The following ADAD1 variants were observed in gnomAD, a reference collection of about 807,000 sequenced individuals.
ADAD1 encodes the protein adenosine deaminase domain containing 1, also known as adenosine deaminase domain-containing protein 1.
In ADAD1, 46 loss-of-function variants were observed where a neutral mutation model predicts 66.8. That is an observed-to-expected ratio of 0.69 (90% CI 0.54 to 0.88). The LOEUF is 0.88. ADAD1 is among the 40% of genes least tolerant of loss of function. The pLI is 0.00. For synonymous variants in ADAD1, 248 were observed against 229.4 expected (o/e 1.08, Z -0.73); for missense variants, 617 against 681.8 (o/e 0.91, Z 1.06).
intron 7 of ADAD1, among the ~76,000 whole-genome samples, chr4:122,404,727 A>G (rs1796131096): frequency 6.6e-6 from 1 of 151,886 alleles, no homozygotes; most frequent in Non-Finnish European, 1.5e-5. Context: ...CCCCATCAAA[A>G]ATCACCTTAT....
At chr4:122,385,829 G>A (rs931819964) in intron 5 of ADAD1, among the ~76,000 whole-genome samples, 10 of 152,126 alleles carry the variant, frequency 6.6e-5, no homozygotes, top group Admixed American at 1.3e-4. Context: ...TGCTGAGGAT[G>A]ATGGCTTCTG....
intron 7 of ADAD1, among the ~76,000 whole-genome samples, chr4:122,404,883 T>C (rs900784039): frequency 6.6e-6 from 1 of 152,194 alleles, no homozygotes; most frequent in African/African-American, 2.4e-5. Context: ...GGCTAATTCT[T>C]CTACTTAAAT....
intron 5 of ADAD1, among the ~76,000 whole-genome samples, chr4:122,385,996 T>G (rs1795155276): frequency 6.6e-6 from 1 of 152,216 alleles, no homozygotes. Context: ...AGTGCTGCAG[T>G]AAACATACGT....
intron 5 of ADAD1, among the ~76,000 whole-genome samples, chr4:122,385,780 G>A (rs1795145200): frequency 6.6e-6 from 1 of 152,148 alleles, no homozygotes; most frequent in Non-Finnish European, 1.5e-5. Flanking sequence ...ACTTATGAGT[G>A]AGAACTTCAG....
At chr4:122,417,274 T>G (rs1249224493) in intron 11 of ADAD1, among the ~76,000 whole-genome samples, 3 of 135,812 alleles carry the variant, frequency 2.2e-5, no homozygotes, top group Non-Finnish European at 4.8e-5. Flanking sequence ...GAGGTGGAGG[T>G]TGCAGTGAGC....
intron 6 of ADAD1, among the ~76,000 whole-genome samples, chr4:122,396,025 G>A (rs574408483): frequency 6.6e-6 from 1 of 152,168 alleles, no homozygotes; most frequent in Non-Finnish European, 1.5e-5. Flanking sequence ...TAGTCTGCTA[G>A]TATGTAATAC....
At position 122,429,610 on chromosome 4, in the gene ADAD1, T is replaced by C; in HGVS notation, c.1618-16T>C. The C allele has an allele frequency of 1.9e-6, 3 of 1,544,634 alleles. No homozygotes were observed. Among genetic ancestry groups the C allele is most frequent in the Non-Finnish European group, 2.7e-6 (3 of 1,118,826 alleles). On this transcript the variant is annotated splice_polypyrimidine_tract_variant and intron_variant, in intron 12 of 12. Transcript: ENST00000296513. Reference sequence around the variant, plus strand: ...GCTGCCTATTTTCTATAATTCATTTTTTCTTTCTTCTCTAGTGTATGTCTG... The same window carrying C: ...GCTGCCTATTTTCTATAATTCATTTCTTCTTTCTTCTCTAGTGTATGTCTG...
intron 11 of ADAD1, among the ~76,000 whole-genome samples, chr4:122,419,819 A>G (rs917746600): frequency 1.3e-5 from 2 of 152,214 alleles, no homozygotes; most frequent in Non-Finnish European, 1.5e-5. Flanking sequence ...AAGGTGTATA[A>G]ATAATTTAGC....
intron 12 of ADAD1, among the ~76,000 whole-genome samples, chr4:122,427,151 G>A (rs967963773): frequency 6.6e-6 from 1 of 152,102 alleles, no homozygotes; most frequent in African/African-American, 2.4e-5. Flanking sequence ...AGATATAAGA[G>A]CAATATAGAA....
intron 12 of ADAD1, among the ~76,000 whole-genome samples, chr4:122,429,135 A>C (rs990059744): frequency 1.4e-5 from 2 of 147,598 alleles, no homozygotes; most frequent in Non-Finnish European, 2.9e-5. Flanking sequence ...TTAAAAAAAA[A>C]AAAGAACAAG....
chr4:122,398,284 C>T (rs1202335196), intron 7 of ADAD1, among the ~76,000 whole-genome samples: 3 of 151,574 alleles, frequency 2.0e-5, no homozygotes, highest in Non-Finnish European at 1.5e-5. Flanking sequence ...GAATAATGGT[C>T]TCCAACTCTA....
intron 8 of ADAD1, among the ~76,000 whole-genome samples, chr4:122,408,849 C>T (rs1031499397): frequency 1.1e-4 from 17 of 151,602 alleles, no homozygotes; most frequent in African/African-American, 3.9e-4. Flanking sequence ...CTCCACTGCT[C>T]TCCATCATGG....
At chr4:122,387,906 C>G (rs574445315) in intron 5 of ADAD1, among the ~76,000 whole-genome samples, 1 of 151,958 alleles carries the variant, frequency 6.6e-6, no homozygotes, top group East Asian at 1.9e-4. Context: ...ACTACAGGCA[C>G]CTGCCACCAC....
chr4:122,405,530 T>C lies in ADAD1; in HGVS notation c.725-2378T>C, dbSNP rs79217160. On this transcript the variant is annotated intron_variant, in intron 7 of 12. Transcript: ENST00000296513. ...TATTCACTTGACTTTCTAGAAACATTTAACACAGTTTACCACTCCTTGTTT... is the reference window on the plus strand; with the variant it reads ...TATTCACTTGACTTTCTAGAAACATCTAACACAGTTTACCACTCCTTGTTT... Among the ~76,000 whole-genome samples the C allele has an allele frequency of 5.6e-3, 851 of 152,300 alleles. 4 individuals carry two copies. The highest frequency in any genetic ancestry group is 0.02 in the African/African-American group (811 of 41,556).
chr4:122,412,954 C>A, intron 10 of ADAD1, 145 bp downstream of exon 10: 1 of 650,504 alleles, frequency 1.5e-6, no homozygotes, highest in Non-Finnish European at 2.6e-6. Context: ...TTTTGTAGAG[C>A]TGTTGGTTTC....
In ADAD1 at chr4:122,380,419, C is replaced by T. The variant is rs560917776; in HGVS notation, c.172+178C>T. ...GGAGGAGGCCTGTAGAGCTCTTTAC[C>T]TGTGCCGCTCGTTTAACCATCTGTT... On this transcript the variant is annotated intron_variant, in intron 3 of 12. Transcript: ENST00000296513. The T allele has an allele frequency of 1.3e-4, 92 of 689,216 alleles. 1 individual carries two copies. The highest frequency in any genetic ancestry group is 8.0e-4 in the South Asian group (37 of 46,258). 42.7% of individuals were successfully genotyped at this position (689,216 alleles called of 1,614,324 possible).
intron 2 of ADAD1, chr4:122,379,715 G>A: frequency 6.0e-6 from 1 of 166,318 alleles, no homozygotes. Context: ...GACTCAGGAG[G>A]CCACCTACGA....
At chr4:122,406,439 T>A (rs764991594) in intron 7 of ADAD1, among the ~76,000 whole-genome samples, 3 of 152,210 alleles carry the variant, frequency 2.0e-5, no homozygotes, top group Non-Finnish European at 4.4e-5. Flanking sequence ...GTTGTGGGAG[T>A]TACATATATA....
At chr4:122,397,887 T>C (rs1795789926) in intron 7 of ADAD1, among the ~76,000 whole-genome samples, 1 of 152,134 alleles carries the variant, frequency 6.6e-6, no homozygotes, top group African/African-American at 2.4e-5. Context: ...AATATGAGTA[T>C]GAATATAAGC....
Sources: allele counts gnomAD v4.1 joint callset (sites outside exome capture counted in the v4.1 genomes callset), GRCh38; gene constraint gnomAD v4.1.1; transcripts MANE v1.5; gene names NCBI Gene and HGNC (gene_info 2026-07-23, HGNC 2026-07-21).